The following PI15 variants were observed in gnomAD, a reference collection of about 807,000 sequenced individuals.
PI15 encodes the protein peptidase inhibitor 15, also known as 25 kDa trypsin inhibitor.
PI15 carries 18 observed loss-of-function variants against 31.0 expected under a neutral mutation model. The observed-to-expected ratio is 0.58, with a 90% confidence interval of 0.40 to 0.86. The LOEUF (loss-of-function observed/expected upper bound fraction) is 0.86, where lower values mean the gene tolerates loss of function less well. Ranked by LOEUF, PI15 falls within the 40% of genes least tolerant of loss-of-function variation. The pLI is 0.00. For missense variants in PI15, 282 were observed against 328.1 expected (o/e 0.86, Z 1.09); for synonymous variants, 118 against 119.1 (o/e 0.99, Z 0.06).
At chr8:74,839,255 C>G (rs1810911876) in intron 2 of PI15, among the ~76,000 whole-genome samples, 1 of 152,168 alleles carries the variant, frequency 6.6e-6, no homozygotes, top group Non-Finnish European at 1.5e-5. Context: ...ATCTCAAACT[C>G]TCTAATTTTA....
At chr8:74,837,214 T>C (rs1810884956) in intron 2 of PI15, among the ~76,000 whole-genome samples, 5 of 152,172 alleles carry the variant, frequency 3.3e-5, no homozygotes, top group Admixed American at 3.3e-4. Context: ...TATTTTGTAG[T>C]TATTTTTGAG....
At chr8:74,834,817 C>CA in intron 2 of PI15, among the ~76,000 whole-genome samples, 1 of 152,250 alleles carries the variant, frequency 6.6e-6, no homozygotes. Context: ...AATTACTCTC[C>CA]AATTGCTCTA....
chr8:74,844,427 CTGTGTGTGTGTGTGTGTGTGTG>C (rs57644375), intron 3 of PI15, among the ~76,000 whole-genome samples: 2,450 of 141,782 alleles, frequency 0.017, 64 homozygotes, highest in African/African-American at 0.061. Context: ...TGTGCAGAGG[CTGTGTGTGTGTGTGTGTGTGTG>C]TGTGTGTGTG....
intron 2 of PI15, among the ~76,000 whole-genome samples, chr8:74,829,909 C>T (rs1161118271): frequency 6.6e-6 from 1 of 152,008 alleles, no homozygotes; most frequent in Non-Finnish European, 1.5e-5. Context: ...CAGAGAAAAA[C>T]CATGACACTT....
In PI15 at chr8:74,852,540, G is replaced by A. The variant is rs972238400; in HGVS notation, c.*3287G>A. The A allele has an allele frequency of 4.6e-5, 7 of 152,038 alleles. No homozygotes were observed. The highest frequency in any genetic ancestry group is 1.4e-4 in the African/African-American group (6 of 41,420). The allele number at this position is 152,038 out of a possible 1,614,324, so 9.4% of individuals were successfully genotyped here. A position where few individuals can be genotyped will look rare whatever the true frequency, so the allele number is the denominator to read the frequency against. ...TGCCCTACAAATTTCATTTGGCAGC[G>A]CCATAACATTCATTTAAAAAGTTTA... On this transcript the variant is annotated 3_prime_UTR_variant, in exon 6 of 6. Transcript: ENST00000260113.
At chr8:74,835,641 C>T (rs934412075) in intron 2 of PI15, among the ~76,000 whole-genome samples, 3 of 152,146 alleles carry the variant, frequency 2.0e-5, no homozygotes, top group African/African-American at 7.2e-5. Flanking sequence ...CATGTGAGCA[C>T]TATGGGTGAG....
chr8:74,829,847 G>T (rs980172391), intron 2 of PI15, among the ~76,000 whole-genome samples: 16 of 152,062 alleles, frequency 1.1e-4, no homozygotes, highest in African/African-American at 3.6e-4. Flanking sequence ...CCCAGGAAGG[G>T]TCAAGGTTGG....
intron 2 of PI15, among the ~76,000 whole-genome samples, chr8:74,826,989 A>T (rs765364094): frequency 3.3e-5 from 5 of 152,114 alleles, no homozygotes; most frequent in Non-Finnish European, 1.5e-5. Flanking sequence ...TAAAAATTAG[A>T]TGAGCAAACA....
At chr8:74,827,426 G>A (rs934632942) in intron 2 of PI15, among the ~76,000 whole-genome samples, 3 of 152,074 alleles carry the variant, frequency 2.0e-5, no homozygotes, top group Non-Finnish European at 4.4e-5. Flanking sequence ...CATTCCACAT[G>A]CATTTATTTA....
chr8:74,836,979 A>AT (rs1329976801), intron 2 of PI15, among the ~76,000 whole-genome samples: 1 of 152,098 alleles, frequency 6.6e-6, no homozygotes, highest in African/African-American at 2.4e-5. Context: ...TCAAGAGAGG[A>AT]TTTTTACAAA....
chr8:74,836,754 G>A (rs984973661), intron 2 of PI15, among the ~76,000 whole-genome samples: 1 of 152,128 alleles, frequency 6.6e-6, no homozygotes, highest in African/African-American at 2.4e-5. Flanking sequence ...GCTGCTGATA[G>A]ACCAAGGAAG....
chr8:74,825,170 T>G (rs959687214), intron 1 of PI15, 40 bp from the exon 2 acceptor site: 1 of 1,262,320 alleles, frequency 7.9e-7, no homozygotes, highest in East Asian at 2.3e-5. Context: ...CTGGCCCTAT[T>G]TTTTTTCATA....
In PI15 at chr8:74,849,994, G is replaced by C. The variant is rs1034402640; in HGVS notation, c.*741G>C. On this transcript the variant is annotated 3_prime_UTR_variant, in exon 6 of 6. Transcript: ENST00000260113. ...TTACTACATGCAAGGCACTCTGCTA[G>C]TTATATTCTAATAATGCAGAGATAA... 6.6e-6 allele frequency: 1 copy of C among 152,188 alleles called. No homozygotes were observed. The highest frequency in any genetic ancestry group is 1.5e-5 in the Non-Finnish European group (1 of 68,018). The allele number at this position is 152,188 out of a possible 1,614,324, so 9.4% of individuals were successfully genotyped here.
intron 2 of PI15, among the ~76,000 whole-genome samples, chr8:74,835,589 T>C (rs1276511443): frequency 1.3e-5 from 2 of 152,232 alleles, no homozygotes; most frequent in Non-Finnish European, 2.9e-5. Flanking sequence ...TATTATCACA[T>C]AATTTCACTT....
Position 74,845,414 on chromosome 8 carries a change from C to A in PI15, c.558C>A (p.Cys186Ter), listed in dbSNP as rs200198939. 7 of 1,613,796 alleles carry A rather than the reference C, an allele frequency of 4.3e-6. No homozygotes were observed. The highest frequency in any genetic ancestry group is 5.1e-6 in the Non-Finnish European group (6 of 1,179,770). Residue 186 changes from cysteine (C) to a stop codon, truncating the protein, a stop_gained, in exon 5 of 6, where the codon TGC becomes TGA. Transcript: ENST00000260113. LOFTEE classifies it high-confidence loss of function. ...MVWATSNRIG[C>*]AIHTCQNMNV... is the part of the protein sequence containing the mutation. The stretch of plus-strand genomic sequence containing the variant: ...GGGCCACTTCCAATCGGATAGGATG[C>A]GCAATTCATACTTGCCAAAACATGA...
At chr8:74,826,948 AG>A (rs1448308523) in intron 2 of PI15, among the ~76,000 whole-genome samples, 1 of 152,108 alleles carries the variant, frequency 6.6e-6, no homozygotes, top group Non-Finnish European at 1.5e-5. Flanking sequence ...CCCATACAGA[AG>A]AGATGTTTTT....
In PI15 at chr8:74,832,536, T is replaced by G. The variant is rs1367370261; in HGVS notation, c.273+7014T>G. Among the ~76,000 whole-genome samples the G allele has an allele frequency of 2.0e-5, 3 of 152,280 alleles. No individual in the cohort carries two copies. The East Asian group carries it at 5.8e-4, about 29-fold the overall frequency. On this transcript the variant is annotated intron_variant, in intron 2 of 5. Coordinates refer to ENST00000260113, the MANE Select transcript of PI15 (RefSeq NM_015886.5). ...AAGAAAATACCCCCCTCTGTTTTTT[T>G]AATGGTGCCATGAATTTAGTATTTA...
rs1219552239 is a variant in PI15 at position 74,850,958 on chromosome 8, C to T, written c.*1705C>T. ...AGCTACTTGTTTAAAATTCCATACACGTTTGCAGTTTCTTGTACACATTTG... is the reference window on the plus strand; with the variant it reads ...AGCTACTTGTTTAAAATTCCATACATGTTTGCAGTTTCTTGTACACATTTG... On this transcript the variant is annotated 3_prime_UTR_variant, in exon 6 of 6. Coordinates refer to ENST00000260113, the MANE Select transcript of PI15 (RefSeq NM_015886.5). The T allele has an allele frequency of 2.6e-5, 4 of 152,648 alleles. No homozygotes were observed. The highest frequency in any genetic ancestry group is 4.1e-4 in the South Asian group (2 of 4,828). 9.5% of individuals were successfully genotyped at this position (152,648 alleles called of 1,614,324 possible).
At chr8:74,830,289 G>GA (rs567355385) in intron 2 of PI15, among the ~76,000 whole-genome samples, 132 of 145,678 alleles carry the variant, frequency 9.1e-4, no homozygotes, top group South Asian at 2.9e-3. Flanking sequence ...CCTTAAAACT[G>GA]AAAAAAAAAA....
Sources: gnomAD v4.1 joint callset for allele counts (sites outside exome capture counted in the v4.1 genomes callset) on GRCh38, gnomAD v4.1.1 for gene constraint, MANE v1.5 for transcripts, NCBI Gene and HGNC (gene_info 2026-07-23, HGNC 2026-07-21) for gene names.